The following RUNX2 variants were observed in gnomAD, a reference collection of about 807,000 sequenced individuals.
RUNX2 encodes the protein RUNX family transcription factor 2, also known as runt-related transcription factor 2.
A neutral mutation model predicts 51.7 loss-of-function variants in RUNX2; 10 were observed. The observed-to-expected ratio is 0.19, with a 90% confidence interval of 0.12 to 0.33. RUNX2 has a LOEUF of 0.33. RUNX2 is among the 10% of genes least tolerant of loss of function. The pLI is 1.00. For missense variants in RUNX2, 562 were observed against 691.3 expected (o/e 0.81, Z 2.10); for synonymous variants, 276 against 273.6 (o/e 1.01, Z -0.09).
At chr6:45,403,647 T>C (rs1797768697) in intron 2 of RUNX2, among the ~76,000 whole-genome samples, 1 of 152,180 alleles carries the variant, frequency 6.6e-6, no homozygotes, top group Admixed American at 6.5e-5. Context: ...CTTCATTTAC[T>C]TGTATTCTAA....
At chr6:45,374,308 A>G (rs959157469) in intron 2 of RUNX2, among the ~76,000 whole-genome samples, 1 of 152,236 alleles carries the variant, frequency 6.6e-6, no homozygotes, top group African/African-American at 2.4e-5. Context: ...AGGCTACAGC[A>G]GCTAACAGTT....
intron 7 of RUNX2, among the ~76,000 whole-genome samples, chr6:45,531,856 G>A (rs947543896): frequency 8.4e-5 from 12 of 143,336 alleles, no homozygotes; most frequent in African/African-American, 3.1e-4. Context: ...AGCTGGAAAG[G>A]TTGATACAAA....
chr6:45,536,024 G>T (rs553359093), intron 7 of RUNX2, among the ~76,000 whole-genome samples: 2 of 151,962 alleles, frequency 1.3e-5, no homozygotes, highest in Admixed American at 6.5e-5. Flanking sequence ...AAAGCCTGAC[G>T]TGAAGTCACA....
chr6:45,357,380 G>A (rs556300069), intron 2 of RUNX2, among the ~76,000 whole-genome samples: 1 of 151,930 alleles, frequency 6.6e-6, no homozygotes, highest in African/African-American at 2.4e-5. Flanking sequence ...ACCCAGGCTG[G>A]AGAACAGTGG....
intron 5 of RUNX2, among the ~76,000 whole-genome samples, chr6:45,457,557 T>C (rs771804858): frequency 2.0e-5 from 3 of 152,206 alleles, no homozygotes; most frequent in Admixed American, 6.5e-5. Flanking sequence ...TTCATAAGTA[T>C]ATCTGGAAAA....
At chr6:45,365,210 T>C (rs373430374) in intron 2 of RUNX2, 8 of 1,607,016 alleles carry the variant, frequency 5.0e-6, no homozygotes, top group Non-Finnish European at 6.8e-6. Flanking sequence ...CATCATACTC[T>C]GTAATTCTGT....
Position 45,443,472 on chromosome 6 carries a change from T to G in RUNX2, c.685+5421T>G, listed in dbSNP as rs187529873. On this transcript the variant is annotated intron_variant, in intron 5 of 8. Coordinates refer to ENST00000647337, the MANE Select transcript of RUNX2 (RefSeq NM_001024630.4). ...TAAGGGAAAAAAACCACCAATGGTG[T>G]GAATGTTGGGGGATGTGGTTCATGA... 2.1e-4 allele frequency among the ~76,000 whole-genome samples: 32 copies of G among 152,246 alleles called. No individual in the cohort carries two copies. In the East Asian group the frequency reaches 5.4e-3, roughly 26 times the overall value.
intron 2 of RUNX2, among the ~76,000 whole-genome samples, chr6:45,386,079 T>TA (rs1405420451): frequency 2.6e-5 from 4 of 151,760 alleles, no homozygotes; most frequent in Non-Finnish European, 5.9e-5. Flanking sequence ...TTTTTTTTTT[T>TA]TTTTTGAGAC....
At position 45,548,681 on chromosome 6, in the gene RUNX2, C is replaced by T. The variant is rs1253474691; in HGVS notation, c.*1376C>T. 1.3e-5 allele frequency: 2 copies of T among 154,546 alleles called. No individual in the cohort carries two copies. Among genetic ancestry groups the T allele is most frequent in the African/African-American group, 4.8e-5 (2 of 41,510 alleles). 9.6% of individuals were successfully genotyped at this position (154,546 alleles called of 1,614,324 possible). A position where few individuals can be genotyped will look rare whatever the true frequency, so the allele number is the denominator to read the frequency against. On this transcript the variant is annotated 3_prime_UTR_variant, in exon 9 of 9. Transcript: ENST00000647337. ...TTCATAGTTAAGCAAAACTCTAAAT[C>T]GCCAGGCTTCATAGCAAAGACATAG... is the stretch of plus-strand genomic sequence containing the variant.
intron 2 of RUNX2, among the ~76,000 whole-genome samples, chr6:45,346,223 G>A (rs980771845): frequency 6.6e-6 from 1 of 152,028 alleles, no homozygotes. Flanking sequence ...ATGTATATAT[G>A]TAAATATATA....
At position 45,512,415 on chromosome 6, in the gene RUNX2, C is replaced by T. The variant is rs1801186751; in HGVS notation, c.1021+8C>T. Reference sequence around the variant, plus strand: ...TGCCTAGGCGCATTTCAGGTAAAGACCGTGCTTTAACTAAAAATCCATCCC... The same window carrying T: ...TGCCTAGGCGCATTTCAGGTAAAGATCGTGCTTTAACTAAAAATCCATCCC... On this transcript the variant is annotated splice_region_variant and intron_variant, in intron 7 of 8. Coordinates refer to ENST00000647337, the MANE Select transcript of RUNX2 (RefSeq NM_001024630.4). The T allele has an allele frequency of 1.2e-6, 2 of 1,613,694 alleles. No homozygotes were observed. The highest frequency in any genetic ancestry group is 1.7e-6 in the Non-Finnish European group (2 of 1,179,886).
intron 6 of RUNX2, among the ~76,000 whole-genome samples, chr6:45,507,576 T>C (rs1801010175): frequency 6.6e-6 from 1 of 152,160 alleles, no homozygotes; most frequent in Non-Finnish European, 1.5e-5. Context: ...GATTGCGCAT[T>C]TAGGAAGTGA....
intron 2 of RUNX2, among the ~76,000 whole-genome samples, chr6:45,407,146 C>T (rs2150354981): frequency 6.6e-6 from 1 of 152,250 alleles, no homozygotes; most frequent in Non-Finnish European, 1.5e-5. Context: ...GATGGGGTCT[C>T]ACTCTGGAGT....
At chr6:45,370,083 G>A (rs1049052728) in intron 2 of RUNX2, among the ~76,000 whole-genome samples, 1 of 152,168 alleles carries the variant, frequency 6.6e-6, no homozygotes, top group Non-Finnish European at 1.5e-5. Flanking sequence ...AATGTTTTAG[G>A]TTTAAAAAGA....
rs1008273906 is a variant in RUNX2, at chr6:45,548,210, A to G, written c.*905A>G. The G allele has an allele frequency of 6.6e-6, 1 of 152,578 alleles. No individual in the cohort carries two copies. The highest frequency in any genetic ancestry group is 1.5e-5 in the Non-Finnish European group (1 of 68,030). The allele number at this position is 152,578 out of a possible 1,614,324, so 9.5% of individuals were successfully genotyped here. ...CATATAACTTTAAAGATATATTTAT[A>G]ATTATTTAATGACATTTGGACCCTT... On this transcript the variant is annotated 3_prime_UTR_variant, in exon 9 of 9. Transcript: ENST00000647337.
At chr6:45,429,128 G>A (rs1798467153) in intron 3 of RUNX2, among the ~76,000 whole-genome samples, 1 of 152,056 alleles carries the variant, frequency 6.6e-6, no homozygotes, top group Admixed American at 6.5e-5. Flanking sequence ...AATTCATATT[G>A]GAAAACTGTG....
At chr6:45,398,147 G>A (rs1375517654) in intron 2 of RUNX2, among the ~76,000 whole-genome samples, 1 of 152,158 alleles carries the variant, frequency 6.6e-6, no homozygotes, top group Non-Finnish European at 1.5e-5. Flanking sequence ...AGATTGCCTT[G>A]GCTTCACTGC....
At chr6:45,382,569 G>C (rs1204789419) in intron 2 of RUNX2, among the ~76,000 whole-genome samples, 5 of 152,202 alleles carry the variant, frequency 3.3e-5, no homozygotes, top group Admixed American at 3.3e-4. Flanking sequence ...GCAAACCGTA[G>C]GGTGGGGACA....
intron 4 of RUNX2, among the ~76,000 whole-genome samples, chr6:45,434,095 A>G (rs1369229872): frequency 6.6e-6 from 1 of 152,162 alleles, no homozygotes; most frequent in Non-Finnish European, 1.5e-5. Flanking sequence ...CACTAATAAT[A>G]TATTTTTATA....
Sources: allele counts gnomAD v4.1 joint callset (sites outside exome capture counted in the v4.1 genomes callset), GRCh38; gene constraint gnomAD v4.1.1; transcripts MANE v1.5; gene names NCBI Gene and HGNC (gene_info 2026-07-23, HGNC 2026-07-21).